PRH1: variants seen among roughly 807,000 people sequenced by gnomAD.
PRH1 encodes the protein salivary acidic proline-rich phosphoprotein 1/2.
In PRH1, 7 loss-of-function variants were observed where a neutral mutation model predicts 7.9. The ratio of observed to expected loss-of-function variants is 0.89; its 90% CI spans 0.50 to 1.67. The LOEUF (loss-of-function observed/expected upper bound fraction) is 1.67. PRH1 is among the 40% of genes most tolerant of loss of function. PRH1 has a pLI of 0.00. For synonymous variants in PRH1, 45 were observed against 80.8 expected, an observed-to-expected ratio of 0.56 and a Z score of 2.38; for missense variants, 109 against 223.6, an observed-to-expected ratio of 0.49 and a Z score of 3.27.
chr12:11,042,393 A>T (rs2136127993), intron 1 of PRH1, among the ~76,000 whole-genome samples: 1 of 151,416 alleles, frequency 6.6e-6, no homozygotes, highest in South Asian at 2.1e-4. Context: ...AGACACATAC[A>T]ACCTACAAAG....
At chr12:10,921,265 A>G (rs1387141033) in intron 2 of PRH1, among the ~76,000 whole-genome samples, 1 of 152,072 alleles carries the variant, frequency 6.6e-6, no homozygotes. Flanking sequence ...TGACATTTTT[A>G]AACTTAGTAA....
rs1944378708 is a variant in PRH1, at chr12:11,078,379, T to A, written n.124-31191A>T. ...ATTTTCTGCCTTTAAATTCTGTGACTAATGTCAACAGGAAAGCACCAGCCT... is the reference window on the plus strand; with the variant it reads ...ATTTTCTGCCTTTAAATTCTGTGACAAATGTCAACAGGAAAGCACCAGCCT... On this transcript the variant is annotated intron_variant and non_coding_transcript_variant, in intron 1 of 4. Coordinates refer to the PRH1 transcript ENST00000541977. 7 of 232,588 alleles carry A rather than the reference T, an allele frequency of 3.0e-5. No homozygotes were observed. In the South Asian group the frequency reaches 4.2e-4, roughly 14 times the overall value. The allele number at this position is 232,588 out of a possible 1,614,324, so 14.4% of individuals were successfully genotyped here.
At chr12:11,101,710 G>C (rs371648057) in intron 1 of PRH1, among the ~76,000 whole-genome samples, 4 of 152,068 alleles carry the variant, frequency 2.6e-5, no homozygotes, top group African/African-American at 9.7e-5. Context: ...CTAATAAACA[G>C]TAAGATAAAA....
chr12:10,926,894 T>C (rs1335289322), intron 2 of PRH1, among the ~76,000 whole-genome samples: 1 of 152,120 alleles, frequency 6.6e-6, no homozygotes, highest in Non-Finnish European at 1.5e-5. Flanking sequence ...AATGTGAACA[T>C]CCATAGTAGA....
chr12:11,108,715 T>C (rs1001560830), intron 1 of PRH1, among the ~76,000 whole-genome samples: 1 of 152,178 alleles, frequency 6.6e-6, no homozygotes, highest in South Asian at 2.1e-4. Flanking sequence ...ACCAGGGCCA[T>C]GGGTCTCAAG....
chr12:11,169,539 G>A (rs1446648924), intron 1 of PRH1, among the ~76,000 whole-genome samples: 2 of 152,128 alleles, frequency 1.3e-5, no homozygotes, highest in Non-Finnish European at 2.9e-5. Context: ...ACCCAGAAAC[G>A]GAGCAAGTAG....
intron 1 of PRH1, chr12:11,091,454 G>A: frequency 7.9e-7 from 1 of 1,264,826 alleles, no homozygotes; most frequent in East Asian, 2.3e-5. Context: ...CATGAAGACA[G>A]GTTTGTTTTC....
chr12:10,887,390 A>C (rs182132504), upstream of PRH1, among the ~76,000 whole-genome samples: 7 of 152,306 alleles, frequency 4.6e-5, no homozygotes, highest in East Asian at 1.3e-3. Context: ...CTGAGACTTC[A>C]ACTTGCTTTG....
At chr12:11,044,716 T>A (rs190510628) in intron 1 of PRH1, among the ~76,000 whole-genome samples, 1 of 152,098 alleles carries the variant, frequency 6.6e-6, no homozygotes, top group Non-Finnish European at 1.5e-5. Flanking sequence ...CTCAACATCA[T>A]TGACCATCAG....
intron 2 of PRH1, among the ~76,000 whole-genome samples, chr12:10,898,008 C>A (rs1404334730): frequency 6.6e-6 from 1 of 152,148 alleles, no homozygotes; most frequent in Non-Finnish European, 1.5e-5. Context: ...TGAATGGTAT[C>A]AATATTTTGT....
At position 11,168,291 on chromosome 12, in the gene PRH1, AGAAAGAAAGAAGGAAGGAAG is replaced by A. The variant is rs1947676056; in HGVS notation, n.39+3111_39+3130del. Among the ~76,000 whole-genome samples the A allele has an allele frequency of 2.6e-4, 4 of 15,376 alleles. 1 individual carries two copies. The highest frequency in any genetic ancestry group is 1.4e-3 in the Admixed American group (2 of 1,442). The allele number at this position is 15,376 out of a possible 152,430, so 10.1% of individuals were successfully genotyped here. ...AAGAAAGAAAGAAAGAAAGAAAGAA[AGAAAGAAAGAAGGAAGGAAG>A]GAAGGAAGGAAGGAAGGAAGGAAGG... On this transcript the variant is annotated intron_variant and non_coding_transcript_variant, in intron 1 of 1. Coordinates refer to the PRH1 transcript ENST00000541175.
intron 1 of PRH1, among the ~76,000 whole-genome samples, chr12:11,161,951 A>G (rs1229296517): frequency 6.6e-6 from 1 of 152,234 alleles, no homozygotes; most frequent in Admixed American, 6.5e-5. Context: ...AGTAGATTAA[A>G]AACTTTATAT....
chr12:10,941,364 C>T (rs1266709994), intron 2 of PRH1, among the ~76,000 whole-genome samples: 2 of 152,128 alleles, frequency 1.3e-5, no homozygotes, highest in African/African-American at 4.8e-5. Flanking sequence ...ATAATTCCCA[C>T]ACACTACATC....
chr12:11,139,200 A>C (rs1452100263), intron 1 of PRH1, among the ~76,000 whole-genome samples: 2 of 152,152 alleles, frequency 1.3e-5, no homozygotes, highest in Non-Finnish European at 2.9e-5. Context: ...TGCTTTTTTA[A>C]CATTTTTTTA....
intron 1 of PRH1, chr12:11,031,241 G>C: frequency 6.2e-7 from 1 of 1,614,052 alleles, no homozygotes; most frequent in Non-Finnish European, 8.5e-7. Flanking sequence ...CCGCTCAATG[G>C]AATTTACCAA....
upstream of PRH1, among the ~76,000 whole-genome samples, chr12:11,048,159 TG>T (rs1942980451): frequency 8.7e-6 from 1 of 114,406 alleles, no homozygotes; most frequent in Non-Finnish European, 1.9e-5. Context: ...TGTGTGTGTG[TG>T]TATAGATAGA....
intron 1 of PRH1, among the ~76,000 whole-genome samples, chr12:11,011,882 A>G (rs1001545014): frequency 6.6e-5 from 10 of 152,062 alleles, no homozygotes; most frequent in African/African-American, 2.2e-4. Context: ...GGGAGGAATT[A>G]TTGTCCTGTA....
At chr12:11,098,294 T>C (rs2443093) in intron 1 of PRH1, among the ~76,000 whole-genome samples, 68,094 of 150,128 alleles carry the variant, frequency 0.45, 16,280 homozygotes, top group Non-Finnish European at 0.52. Flanking sequence ...TACTTTTAAA[T>C]GTTGTGACCA....
chr12:11,136,672 C>T (rs1946563853), intron 1 of PRH1, among the ~76,000 whole-genome samples: 1 of 152,146 alleles, frequency 6.6e-6, no homozygotes, highest in Non-Finnish European at 1.5e-5. Context: ...TACAATTATG[C>T]ACATATTTAT....
Sources: gnomAD v4.1 joint callset for allele counts (sites outside exome capture counted in the v4.1 genomes callset) on GRCh38, gnomAD v4.1.1 for gene constraint, MANE v1.5 for transcripts, NCBI Gene and HGNC (gene_info 2026-07-23, HGNC 2026-07-21) for gene names.